Variants in GNAI3 observed in about 807,000 individuals in gnomAD.
GNAI3 encodes the protein G protein subunit alpha i3, also known as guanine nucleotide-binding protein G(i) subunit alpha-3.
In GNAI3, 12 loss-of-function variants were observed where a neutral mutation model predicts 41.8. That is an observed-to-expected ratio of 0.29 (90% CI 0.18 to 0.47). GNAI3 has a LOEUF of 0.47. Ranked by LOEUF, GNAI3 falls within the 20% of genes least tolerant of loss-of-function variation. GNAI3 has a pLI of 1.00. For missense variants in GNAI3, 360 were observed against 429.6 expected (o/e 0.84, Z 1.43); for synonymous variants, 132 against 146.5 (o/e 0.90, Z 0.71).
chr1:109,567,877 C>A (rs1239645212), intron 1 of GNAI3, among the ~76,000 whole-genome samples: 1 of 151,576 alleles, frequency 6.6e-6, no homozygotes, highest in African/African-American at 2.4e-5. Flanking sequence ...CTTGAAGGCA[C>A]AGAAATAGAA....
intron 1 of GNAI3, among the ~76,000 whole-genome samples, chr1:109,569,483 G>A (rs951354449): frequency 6.6e-6 from 1 of 152,228 alleles, no homozygotes; most frequent in African/African-American, 2.4e-5. Context: ...CACATGTGTT[G>A]TGGAGTAGGG....
intron 7 of GNAI3, among the ~76,000 whole-genome samples, chr1:109,589,535 C>T (rs1461501829): frequency 6.6e-6 from 1 of 151,786 alleles, no homozygotes; most frequent in Non-Finnish European, 1.5e-5. Context: ...AAAAGAGATA[C>T]ATTAAAAAAC....
At chr1:109,566,956 A>G (rs887929020) in intron 1 of GNAI3, among the ~76,000 whole-genome samples, 2 of 152,220 alleles carry the variant, frequency 1.3e-5, no homozygotes, top group African/African-American at 2.4e-5. Flanking sequence ...AGGTACTCCT[A>G]TTGGAAATAG....
rs1649402870 is a variant in GNAI3 at position 109,600,060 on chromosome 1, CTT to C, written c.*7740_*7741del. The C allele has an allele frequency of 6.6e-6, 1 of 151,032 alleles. No individual in the cohort carries two copies. The highest frequency in any genetic ancestry group is 2.4e-5 in the African/African-American group (1 of 40,996). The allele number at this position is 151,032 out of a possible 1,614,324, so 9.4% of individuals were successfully genotyped here. A position where few individuals can be genotyped will look rare whatever the true frequency, so the allele number is the denominator to read the frequency against. On this transcript the variant is annotated 3_prime_UTR_variant, in exon 9 of 9. Transcript: ENST00000369851. ...TGGACTATTTTTAAGTTTGTTCTAA[CTT>C]TAGCAGTCTTAAGAATTAAGGTTGC...
intron 1 of GNAI3, among the ~76,000 whole-genome samples, chr1:109,553,827 C>T (rs1274348728): frequency 6.6e-6 from 1 of 152,074 alleles, no homozygotes; most frequent in African/African-American, 2.4e-5. Flanking sequence ...TACACTGTAC[C>T]CAATGTATAG....
chr1:109,579,423 T>C, intron 4 of GNAI3, 62 bp downstream of exon 4: 1 of 1,160,258 alleles, frequency 8.6e-7, no homozygotes, highest in African/African-American at 1.5e-5. Flanking sequence ...ACAGAAATTT[T>C]AGTCCCCACT....
intron 7 of GNAI3, chr1:109,591,618 A>T: frequency 2.2e-6 from 1 of 459,244 alleles, no homozygotes; most frequent in Non-Finnish European, 4.0e-6. Flanking sequence ...CAATTTTAGT[A>T]CATGTGCTAC....
intron 1 of GNAI3, among the ~76,000 whole-genome samples, chr1:109,567,961 A>C (rs916048559): frequency 1.4e-5 from 2 of 146,480 alleles, no homozygotes; most frequent in Non-Finnish European, 3.0e-5. Flanking sequence ...AGAAGGACTC[A>C]GGGGATAGTG....
At chr1:109,574,183 T>A in intron 3 of GNAI3, 146 bp downstream of exon 3, 1 of 591,736 alleles carries the variant, frequency 1.7e-6, no homozygotes, top group East Asian at 2.9e-5. Flanking sequence ...TTGAGAAATG[T>A]TAGCAATCTA....
rs1649308171 is a variant in GNAI3, at chr1:109,596,239, G to A, written c.*3917G>A. The A allele has an allele frequency of 6.6e-6, 1 of 152,200 alleles. No homozygotes were observed. The highest frequency in any genetic ancestry group is 6.5e-5 in the Admixed American group (1 of 15,274). 9.4% of individuals were successfully genotyped at this position (152,200 alleles called of 1,614,324 possible). ...AAGGTCTTTATGCCTTTATCTTTTA[G>A]TTTTTAAGATCATTTCTCTCCCTCC... On this transcript the variant is annotated 3_prime_UTR_variant, in exon 9 of 9. Coordinates refer to ENST00000369851, the MANE Select transcript of GNAI3 (RefSeq NM_006496.4).
chr1:109,586,485 C>T (rs1649035459), intron 6 of GNAI3, 140 bp downstream of exon 6: 1 of 889,328 alleles, frequency 1.1e-6, no homozygotes, highest in South Asian at 1.8e-5. Context: ...TGCCCTATTA[C>T]TCTAAAAAAG....
intron 1 of GNAI3, among the ~76,000 whole-genome samples, chr1:109,558,917 A>T (rs1448196450): frequency 6.6e-6 from 1 of 151,990 alleles, no homozygotes; most frequent in East Asian, 1.9e-4. Context: ...AGTATCTCAC[A>T]CCTGTAATCC....
intron 5 of GNAI3, among the ~76,000 whole-genome samples, chr1:109,584,583 T>C (rs1022136843): frequency 6.6e-6 from 1 of 152,238 alleles, no homozygotes; most frequent in Non-Finnish European, 1.5e-5. Flanking sequence ...TATCTTGTTA[T>C]GAAGTACTAT....
Position 109,586,358 on chromosome 1 carries a change from T to A in GNAI3, c.720+13T>A. The A allele has an allele frequency of 6.2e-7, 1 of 1,607,360 alleles. No homozygotes were observed. ...GGACGAGGAGATGGTATGTTGGAGC[T>A]TCTGGTAAAAAGCCTGTCTAATGTA... On this transcript the variant is annotated intron_variant, in intron 6 of 8. Transcript: ENST00000369851.
chr1:109,555,012 C>T (rs373560786), intron 1 of GNAI3, among the ~76,000 whole-genome samples: 22 of 152,292 alleles, frequency 1.4e-4, no homozygotes, highest in East Asian at 1.3e-3. Context: ...CTACAAAACA[C>T]GGCTGACAGA....
At chr1:109,564,327 C>T (rs1439041379) in intron 1 of GNAI3, among the ~76,000 whole-genome samples, 1 of 151,576 alleles carries the variant, frequency 6.6e-6, no homozygotes. Context: ...TTCTCTGTTT[C>T]CTTGGTCCCA....
intron 7 of GNAI3, among the ~76,000 whole-genome samples, chr1:109,590,127 T>G (rs1571164227): frequency 6.6e-6 from 1 of 152,200 alleles, no homozygotes; most frequent in East Asian, 1.9e-4. Context: ...TTAATCCTCA[T>G]GGCCTCTGTT....
At chr1:109,591,931 CAT>C (rs1649182196) in intron 7 of GNAI3, 110 bp from the exon 8 acceptor site, 2 of 557,342 alleles carry the variant, frequency 3.6e-6, no homozygotes, top group East Asian at 2.8e-5. Context: ...GAATTCTACT[CAT>C]ATTTAATTGG....
intron 3 of GNAI3, among the ~76,000 whole-genome samples, chr1:109,576,781 C>T (rs865950634): frequency 3.6e-4 from 54 of 152,082 alleles, no homozygotes; most frequent in Non-Finnish European, 1.5e-4. Context: ...CTTGGCTGCC[C>T]AAAGTATTGG....
Sources: gnomAD v4.1 joint callset for allele counts (sites outside exome capture counted in the v4.1 genomes callset) on GRCh38, gnomAD v4.1.1 for gene constraint, MANE v1.5 for transcripts, NCBI Gene and HGNC (gene_info 2026-07-23, HGNC 2026-07-21) for gene names.